The following MEF2C variants were observed in gnomAD, a reference collection of about 807,000 sequenced individuals.
MEF2C encodes the protein myocyte enhancer factor 2C.
A neutral mutation model predicts 50.5 loss-of-function variants in MEF2C; 6 were observed. The observed-to-expected ratio is 0.12, with a 90% CI of 0.07 to 0.23. The LOEUF is 0.23. MEF2C is among the 10% of genes least tolerant of loss of function. The pLI is 1.00. For synonymous variants in MEF2C, 183 were observed against 228.0 expected, an observed-to-expected ratio of 0.80 and a Z score of 1.78; for missense variants, 276 against 605.0, an observed-to-expected ratio of 0.46 and a Z score of 5.70.
chr5:88,843,209 CT>C (rs11417217), intron 1 of MEF2C: 18,586 of 361,048 alleles, frequency 0.051, 12 homozygotes, highest in Middle Eastern at 0.078. Flanking sequence ...ATTTTGCTTG[CT>C]TTTTTTTTTT....
chr5:88,868,782 G>T (rs304144), intron 1 of MEF2C, among the ~76,000 whole-genome samples: 1 of 152,070 alleles, frequency 6.6e-6, no homozygotes, highest in Admixed American at 6.6e-5. Context: ...TTACTTACAG[G>T]TTAGATAAAA....
rs558497705 is a variant in MEF2C, at chr5:88,857,579, C to T, written c.-143+25376G>A. Among the ~76,000 whole-genome samples the T allele has an allele frequency of 6.6e-4, 100 of 152,300 alleles. 1 individual carries two copies. In the South Asian group the frequency reaches 0.019, roughly 29 times the overall value. ...CTCGAATTATAGGTCCCATAATCCC[C>T]ACTTGTAATGGGAGAGACCAAGTGG... On this transcript the variant is annotated intron_variant, in intron 1 of 10. Coordinates refer to ENST00000504921, the MANE Select transcript of MEF2C (RefSeq NM_002397.5).
chr5:88,871,433 A>G (rs1829487956), intron 1 of MEF2C, among the ~76,000 whole-genome samples: 1 of 151,942 alleles, frequency 6.6e-6, no homozygotes, highest in Non-Finnish European at 1.5e-5. Flanking sequence ...GTTTTACCAT[A>G]GGGAAGTCCA....
chr5:88,858,940 A>T (rs930698180), intron 1 of MEF2C, among the ~76,000 whole-genome samples: 1 of 152,192 alleles, frequency 6.6e-6, no homozygotes, highest in Non-Finnish European at 1.5e-5. Flanking sequence ...ACTGCAAACC[A>T]TTCTGAGGCC....
chr5:88,820,363 A>C (rs1037353901), intron 2 of MEF2C, among the ~76,000 whole-genome samples: 1 of 151,928 alleles, frequency 6.6e-6, no homozygotes, highest in African/African-American at 2.4e-5. Context: ...CACCTAAACT[A>C]TTTCATGTAT....
At chr5:88,773,813 A>C (rs1783527260) in intron 3 of MEF2C, among the ~76,000 whole-genome samples, 1 of 152,260 alleles carries the variant, frequency 6.6e-6, no homozygotes, top group Non-Finnish European at 1.5e-5. Context: ...AAAGGTGAGC[A>C]GTCTTGGTCT....
intron 1 of MEF2C, among the ~76,000 whole-genome samples, chr5:88,875,321 A>G (rs1830717490): frequency 6.6e-6 from 1 of 152,030 alleles, no homozygotes; most frequent in Non-Finnish European, 1.5e-5. Flanking sequence ...ATAATCATTT[A>G]AAGTGTGGGT....
At chr5:88,903,211 A>G (rs1835840053) in intron 1 of MEF2C, among the ~76,000 whole-genome samples, 2 of 151,866 alleles carry the variant, frequency 1.3e-5, no homozygotes, top group Admixed American at 1.3e-4. Flanking sequence ...GAAATCAGTG[A>G]TGTAAAAACA....
intron 3 of MEF2C, among the ~76,000 whole-genome samples, chr5:88,789,810 A>G (rs1010381522): frequency 6.6e-6 from 1 of 152,194 alleles, no homozygotes; most frequent in East Asian, 1.9e-4. Flanking sequence ...AATGGGGTAT[A>G]TTTCCAATAA....
rs1302578998 is a variant in MEF2C at position 88,722,589 on chromosome 5, T to A, written c.*15A>T. 17 of 1,566,930 alleles carry A rather than the reference T, an allele frequency of 1.1e-5. No individual in the cohort carries two copies. The highest frequency in any genetic ancestry group is 2.4e-5 in the South Asian group (2 of 84,574). On this transcript the variant is annotated 3_prime_UTR_variant, in exon 11 of 11. Transcript: ENST00000504921. ...ACTGCAAGAAAAAAAAAAAAACTAG[T>A]AAGTAATAATCTGATCATGTTGCCC...
intron 1 of MEF2C, among the ~76,000 whole-genome samples, chr5:88,877,559 T>C (rs781701350): frequency 1.8e-4 from 28 of 152,052 alleles, no homozygotes; most frequent in Non-Finnish European, 3.4e-4. Flanking sequence ...CATTCTTTAA[T>C]TATTTTTCTT....
upstream of MEF2C, among the ~76,000 whole-genome samples, chr5:88,885,535 G>T (rs1833973765): frequency 6.6e-6 from 1 of 152,118 alleles, no homozygotes; most frequent in African/African-American, 2.4e-5. Context: ...TGTTGAGTTT[G>T]CCATTACCAT....
chr5:88,763,978 T>A (rs1191676334), intron 3 of MEF2C, among the ~76,000 whole-genome samples: 1 of 152,204 alleles, frequency 6.6e-6, no homozygotes, highest in Admixed American at 6.5e-5. Context: ...AAACCTTTAA[T>A]TTAAAGCCTT....
At chr5:88,854,663 C>T (rs1822607414) in intron 1 of MEF2C, among the ~76,000 whole-genome samples, 1 of 152,156 alleles carries the variant, frequency 6.6e-6, no homozygotes, top group Admixed American at 6.5e-5. Context: ...GTAACAGACT[C>T]ATACAGACCA....
intron 3 of MEF2C, among the ~76,000 whole-genome samples, chr5:88,777,756 G>C (rs1284723173): frequency 6.6e-6 from 1 of 152,012 alleles, no homozygotes; most frequent in African/African-American, 2.4e-5. Context: ...GAATAGATGG[G>C]AAGGCCCTTC....
At chr5:88,903,211 A>T (rs1835840053) in intron 1 of MEF2C, among the ~76,000 whole-genome samples, 1 of 151,866 alleles carries the variant, frequency 6.6e-6, no homozygotes, top group Non-Finnish European at 1.5e-5. Flanking sequence ...GAAATCAGTG[A>T]TGTAAAAACA....
At chr5:88,810,351 G>T (rs1272071052) in intron 2 of MEF2C, among the ~76,000 whole-genome samples, 1 of 152,070 alleles carries the variant, frequency 6.6e-6, no homozygotes, top group Admixed American at 6.6e-5. Flanking sequence ...ATGTAAATAT[G>T]CTGTAGACTT....
chr5:88,793,785 C>A (rs963503264), intron 3 of MEF2C, among the ~76,000 whole-genome samples: 1 of 152,022 alleles, frequency 6.6e-6, no homozygotes, highest in Non-Finnish European at 1.5e-5. Flanking sequence ...CTAATGCTAT[C>A]CCTCCCCTAG....
intron 3 of MEF2C, among the ~76,000 whole-genome samples, chr5:88,784,501 T>C (rs76700347): frequency 6.6e-6 from 1 of 152,216 alleles, no homozygotes; most frequent in Non-Finnish European, 1.5e-5. Flanking sequence ...ATCTATTATA[T>C]GTAGTAATTC....
Sources: allele counts gnomAD v4.1 joint callset (sites outside exome capture counted in the v4.1 genomes callset), GRCh38; gene constraint gnomAD v4.1.1; transcripts MANE v1.5; gene names NCBI Gene and HGNC (gene_info 2026-07-23, HGNC 2026-07-21).